ZNF438: variants seen among roughly 807,000 people sequenced by gnomAD.
ZNF438 encodes the protein zinc finger protein 438.
ZNF438 carries 25 observed loss-of-function variants against 38.0 expected under a neutral mutation model. The ratio of observed to expected loss-of-function variants is 0.66; its 90% CI spans 0.48 to 0.92. The LOEUF is 0.92. Ranked by LOEUF, ZNF438 falls within the 40% of genes least tolerant of loss-of-function variation. The probability of loss-of-function intolerance (pLI) is 0.00; values close to 1 mark genes in which losing one functional copy is unlikely to be tolerated. For synonymous variants in ZNF438, 372 were observed against 364.1 expected (o/e 1.02, Z -0.25); for missense variants, 1,007 against 999.6 (o/e 1.01, Z -0.10).
intron 2 of ZNF438, among the ~76,000 whole-genome samples, chr10:30,917,283 T>C (rs1448052720): frequency 2.0e-5 from 3 of 152,144 alleles, no homozygotes; most frequent in Admixed American, 6.6e-5. Context: ...GCTAGTATGA[T>C]TGAAGCTATA....
chr10:30,971,420 TG>T (rs2050728684), intron 1 of ZNF438, among the ~76,000 whole-genome samples: 1 of 152,144 alleles, frequency 6.6e-6, no homozygotes, highest in African/African-American at 2.4e-5. Context: ...TACATATATA[TG>T]CATAAAAATA....
intron 1 of ZNF438, among the ~76,000 whole-genome samples, chr10:30,963,686 C>G (rs912229683): frequency 4.6e-5 from 7 of 152,038 alleles, no homozygotes; most frequent in African/African-American, 1.7e-4. Context: ...TTAAGACCAG[C>G]CCGGCCAAGA....
At chr10:30,981,278 C>T (rs188019931) in intron 1 of ZNF438, among the ~76,000 whole-genome samples, 1 of 152,300 alleles carries the variant, frequency 6.6e-6, no homozygotes, top group African/African-American at 2.4e-5. Context: ...CCAGGCTGCT[C>T]ACCCCAGGAG....
intron 1 of ZNF438, among the ~76,000 whole-genome samples, chr10:31,015,150 G>A (rs956586065): frequency 2.6e-5 from 4 of 152,156 alleles, no homozygotes; most frequent in Non-Finnish European, 4.4e-5. Context: ...TTACAGGCGT[G>A]AGCTACCATA....
intron 1 of ZNF438, among the ~76,000 whole-genome samples, chr10:30,974,035 G>T (rs1281932594): frequency 6.6e-6 from 1 of 152,184 alleles, no homozygotes; most frequent in Non-Finnish European, 1.5e-5. Flanking sequence ...AGTGTGACCT[G>T]CAGCCTAATG....
chr10:30,877,210 T>C (rs957717077), intron 3 of ZNF438, 145 bp from the exon 5 acceptor site: 7 of 446,552 alleles, frequency 1.6e-5, no homozygotes, highest in South Asian at 5.5e-5. Context: ...CTATTAAGAA[T>C]TGATGTTTTT....
intron 3 of ZNF438, among the ~76,000 whole-genome samples, chr10:30,890,089 A>G (rs2040491062): frequency 7.0e-6 from 1 of 143,296 alleles, no homozygotes; most frequent in Non-Finnish European, 1.6e-5. Context: ...TTTCCAAAAA[A>G]AAAAAAAAAA....
intron 1 of ZNF438, among the ~76,000 whole-genome samples, chr10:30,953,422 A>T (rs540847247): frequency 2.6e-4 from 39 of 148,742 alleles, no homozygotes; most frequent in Non-Finnish European, 3.3e-4. Flanking sequence ...TTAAAAAATT[A>T]AAAAAAAAAG....
At position 30,937,168 on chromosome 10, in the gene ZNF438, G is replaced by T. The variant is rs1032197168; in HGVS notation, c.-115+4407C>A. On this transcript the variant is annotated intron_variant, in intron 2 of 5. Transcript: ENST00000413025. The stretch of plus-strand genomic sequence containing the variant: ...GGGTGCTAATGGATTGACACCAGCA[G>T]GGGATGGGCCCAAATGGAGGGTGAG... Among the ~76,000 whole-genome samples, 26 of 152,300 alleles carry T rather than the reference G, an allele frequency of 1.7e-4. No homozygotes were observed. The Middle Eastern group carries it at 0.017, about 100-fold the overall frequency.
At chr10:30,864,507 T>G (rs971546702) in intron 4 of ZNF438, among the ~76,000 whole-genome samples, 15 of 152,238 alleles carry the variant, frequency 9.9e-5, no homozygotes, top group Admixed American at 8.5e-4. Context: ...CACGATGATA[T>G]TACATTATCT....
At chr10:30,909,978 A>G (rs1238019991) in intron 2 of ZNF438, among the ~76,000 whole-genome samples, 1 of 152,172 alleles carries the variant, frequency 6.6e-6, no homozygotes, top group African/African-American at 2.4e-5. Flanking sequence ...TGGCAGGTAA[A>G]TATATTCTTT....
intron 4 of ZNF438, among the ~76,000 whole-genome samples, chr10:30,863,349 G>A (rs2035896539): frequency 6.6e-6 from 1 of 152,156 alleles, no homozygotes; most frequent in Non-Finnish European, 1.5e-5. Context: ...GGTTTGTGCT[G>A]GTCACCTTTG....
chr10:30,930,651 ACAAAAATTAGC>A (rs1249013349), intron 2 of ZNF438, among the ~76,000 whole-genome samples: 1 of 151,422 alleles, frequency 6.6e-6, no homozygotes, highest in Non-Finnish European at 1.5e-5. Context: ...ACACACACAC[ACAAAAATTAGC>A]CGGCCATGGT....
intron 1 of ZNF438, among the ~76,000 whole-genome samples, chr10:30,971,515 C>T (rs2050737310): frequency 6.6e-6 from 1 of 152,084 alleles, no homozygotes; most frequent in Non-Finnish European, 1.5e-5. Flanking sequence ...GAACTTTAGC[C>T]TGACATAAAT....
intron 2 of ZNF438, among the ~76,000 whole-genome samples, chr10:30,925,458 G>A (rs2044804595): frequency 6.6e-6 from 1 of 152,076 alleles, no homozygotes; most frequent in Non-Finnish European, 1.5e-5. Flanking sequence ...ATAATACAAA[G>A]ACAAAGAAAT....
At chr10:30,988,407 T>C (rs547675841) in intron 1 of ZNF438, among the ~76,000 whole-genome samples, 1 of 152,068 alleles carries the variant, frequency 6.6e-6, no homozygotes, top group Non-Finnish European at 1.5e-5. Context: ...TTTTAAAATT[T>C]TTTTTCCAGG....
chr10:30,850,358 T>C (rs569479301), exon 5 of ZNF438: 1 of 1,611,250 alleles, frequency 6.2e-7, no homozygotes, highest in East Asian at 2.2e-5. Flanking sequence ...AGAAGGGATG[T>C]TTGATTCACC....
At chr10:30,912,327 C>G (rs896062644) in intron 2 of ZNF438, among the ~76,000 whole-genome samples, 1 of 152,060 alleles carries the variant, frequency 6.6e-6, no homozygotes, top group East Asian at 1.9e-4. Flanking sequence ...GTAAAACCAC[C>G]ATTGTTCATT....
chr10:31,004,493 A>C (rs575669736), intron 1 of ZNF438, among the ~76,000 whole-genome samples: 7 of 152,340 alleles, frequency 4.6e-5, no homozygotes, highest in Admixed American at 3.9e-4. Context: ...CTGCATGGAA[A>C]ACTGCTAAGA....
Sources: gnomAD v4.1 joint callset for allele counts (sites outside exome capture counted in the v4.1 genomes callset) on GRCh38, gnomAD v4.1.1 for gene constraint, MANE v1.5 for transcripts, NCBI Gene and HGNC (gene_info 2026-07-23, HGNC 2026-07-21) for gene names.